Variants in VWA5B1 observed in about 807,000 individuals in gnomAD.
VWA5B1 encodes von Willebrand factor A domain-containing protein 5B1.
In VWA5B1, 115 loss-of-function variants were observed where a neutral mutation model predicts 118.2. That is an observed-to-expected ratio of 0.97 (90% CI 0.84 to 1.14). The LOEUF is 1.14. Among genes scored for constraint, VWA5B1 ranks in the 50% most tolerant of loss-of-function variants. The probability of loss-of-function intolerance (pLI) is 0.00; values close to 1 mark genes in which losing one functional copy is unlikely to be tolerated. For synonymous variants in VWA5B1, 682 were observed against 658.4 expected, an observed-to-expected ratio of 1.04 and a Z score of -0.55; for missense variants, 1,596 against 1,603.8, an observed-to-expected ratio of 1.00 and a Z score of 0.08.
chr1:20,318,964 A>C (rs951973822), intron 6 of VWA5B1, among the ~76,000 whole-genome samples: 1 of 152,166 alleles, frequency 6.6e-6, no homozygotes, highest in Non-Finnish European at 1.5e-5. Flanking sequence ...TCATCCACCC[A>C]TCGGGGCACT....
intron 17 of VWA5B1, among the ~76,000 whole-genome samples, chr1:20,347,062 A>G (rs745414584): frequency 6.6e-6 from 1 of 152,172 alleles, no homozygotes; most frequent in African/African-American, 2.4e-5. Flanking sequence ...GACCTGGCCC[A>G]TATCTTAACC....
At chr1:20,295,082 A>T (rs970344580) in intron 1 of VWA5B1, among the ~76,000 whole-genome samples, 1 of 151,978 alleles carries the variant, frequency 6.6e-6, no homozygotes, top group African/African-American at 2.4e-5. Context: ...GGGAGCAATC[A>T]CTCCTAGATA....
intron 12 of VWA5B1, among the ~76,000 whole-genome samples, chr1:20,335,723 A>C (rs2089695783): frequency 6.6e-6 from 1 of 152,246 alleles, no homozygotes. Context: ...TACATTTACT[A>C]TTCATTAAGT....
Position 20,293,648 on chromosome 1 carries a change from G to A in VWA5B1, c.-27+2560G>A, listed in dbSNP as rs114158862. Among the ~76,000 whole-genome samples, 1,193 of 152,324 alleles carry A rather than the reference G, an allele frequency of 7.8e-3. 16 individuals carry two copies. The highest frequency in any genetic ancestry group is 0.026 in the African/African-American group (1,094 of 41,566). On this transcript the variant is annotated intron_variant, in intron 1 of 21. Coordinates refer to ENST00000289815, the MANE Select transcript of VWA5B1 (RefSeq NM_001039500.3). ...GGCCAAGAAGAGGGTCACCTAAACA[G>A]GAAGCTGACAGACATCCCTGGGGGA...
chr1:20,342,242 C>A (rs2089893621), intron 14 of VWA5B1, among the ~76,000 whole-genome samples, 190 bp from the exon 15 acceptor site: 1 of 148,778 alleles, frequency 6.7e-6, no homozygotes, highest in African/African-American at 2.5e-5. Flanking sequence ...GAGACTGGGT[C>A]ATGCGTCCCT....
chr1:20,291,805 G>C (rs1217055138), intron 1 of VWA5B1, among the ~76,000 whole-genome samples: 2 of 152,212 alleles, frequency 1.3e-5, no homozygotes, highest in Non-Finnish European at 2.9e-5. Context: ...TCCTCGGGCA[G>C]AAGGAGGCGG....
At chr1:20,349,815 C>T (rs564211536) in intron 18 of VWA5B1, among the ~76,000 whole-genome samples, 2 of 148,976 alleles carry the variant, frequency 1.3e-5, no homozygotes, top group East Asian at 3.9e-4. Flanking sequence ...GCACTATCTG[C>T]GTATTATCTC....
At position 20,337,739 on chromosome 1, in the gene VWA5B1, T is replaced by C. The variant is rs1436387325; in HGVS notation, c.2036T>C (p.Met679Thr). Residue 679 changes from methionine to threonine, a missense_variant, in exon 14 of 22, where the codon ATG becomes ACG. Physicochemically the swap from Met to Thr is moderately conservative, Grantham distance 81. Coordinates refer to ENST00000289815, the MANE Select transcript of VWA5B1 (RefSeq NM_001039500.3). ...LPRATMASDP[M>T]PAAKRYPLRK... is the part of the protein sequence containing the mutation. ...AGAGCCACCATGGCAAGTGACCCCATGCCAGCTGCCAAGAGATACCCACTG... is the reference window on the plus strand; with the variant it reads ...AGAGCCACCATGGCAAGTGACCCCACGCCAGCTGCCAAGAGATACCCACTG... 6.4e-7 allele frequency: 1 copy of C among 1,551,668 alleles called. No individual in the cohort carries two copies. Among genetic ancestry groups the C allele is most frequent in the Non-Finnish European group, 8.7e-7 (1 of 1,146,998 alleles).
At chr1:20,350,677 C>T (rs2090109954) in intron 19 of VWA5B1, among the ~76,000 whole-genome samples, 180 bp from the exon 20 acceptor site, 1 of 152,210 alleles carries the variant, frequency 6.6e-6, no homozygotes, top group South Asian at 2.1e-4. Flanking sequence ...AGGCAGACAT[C>T]TCATCCCACC....
intron 1 of VWA5B1, among the ~76,000 whole-genome samples, chr1:20,296,775 A>G (rs1304102881): frequency 2.0e-5 from 3 of 152,188 alleles, no homozygotes; most frequent in Non-Finnish European, 4.4e-5. Context: ...TTCTTCATTC[A>G]CCCTTTCCTA....
At chr1:20,332,674 C>A in intron 11 of VWA5B1, 92 bp from the exon 12 acceptor site, 1 of 1,392,326 alleles carries the variant, frequency 7.2e-7, no homozygotes, top group Non-Finnish European at 9.8e-7. Flanking sequence ...CTCTTCCCTG[C>A]TCCCACTCCC....
Position 20,352,148 on chromosome 1 carries a change from C to G in VWA5B1, c.3117C>G (p.Asn1039Lys). 1 of 1,551,390 alleles carries G rather than the reference C, an allele frequency of 6.4e-7. No homozygotes were observed. Among genetic ancestry groups the G allele is most frequent in the South Asian group, 1.2e-5 (1 of 84,038 alleles). The change falls in exon 21 of 22, where the codon AAC becomes AAG. Residue 1039 changes from asparagine to lysine, a missense_variant. By Grantham distance (94) the Asn-to-Lys change is moderately conservative. Transcript: ENST00000289815. ...AAGCTGTGGAGTCGACCTCCGGGAA[C>G]CAGAGCTTCGACTACATACCTCTGG... The part of the protein sequence containing the change: ...LIKAVESTSG[N>K]QSFDYIPLVS...
Position 20,337,682 on chromosome 1 carries a change from C to T in VWA5B1, c.1979C>T (p.Thr660Ile), listed in dbSNP as rs1292455630. Residue 660 changes from threonine (T) to isoleucine (I), a missense_variant, in exon 14 of 22, where the codon ACC becomes ATC. By Grantham distance (89) the Thr-to-Ile change is moderately conservative. Coordinates refer to ENST00000289815, the MANE Select transcript of VWA5B1 (RefSeq NM_001039500.3). ...TCTCAGCGACGGAGGGCATACAGCA[C>T]CAACCAGATCACCAATCACAAGCCC... ...NLSQRRRAYS[T>I]NQITNHKPLP... 4 of 1,551,698 alleles carry T rather than the reference C, an allele frequency of 2.6e-6. No homozygotes were observed. The South Asian group carries it at 4.8e-5, about 18-fold the overall frequency.
chr1:20,305,772 G>A (rs1465271543), intron 1 of VWA5B1, among the ~76,000 whole-genome samples: 3 of 151,932 alleles, frequency 2.0e-5, no homozygotes, highest in Non-Finnish European at 2.9e-5. Context: ...TAGGCAGGGA[G>A]GGTGGGTTTG....
intron 20 of VWA5B1, among the ~76,000 whole-genome samples, chr1:20,351,168 G>A (rs981966009): frequency 3.9e-5 from 6 of 152,180 alleles, no homozygotes; most frequent in Non-Finnish European, 5.9e-5. Context: ...AAGTATGCAT[G>A]GGAGGGCTGA....
intron 14 of VWA5B1, among the ~76,000 whole-genome samples, chr1:20,340,143 C>T (rs916842837): frequency 2.6e-5 from 4 of 152,024 alleles, no homozygotes; most frequent in Non-Finnish European, 4.4e-5. Flanking sequence ...TGCCTGGCTT[C>T]TTCCCCAACC....
intron 2 of VWA5B1, among the ~76,000 whole-genome samples, chr1:20,311,685 G>A (rs2088852816): frequency 1.3e-5 from 2 of 152,270 alleles, no homozygotes; most frequent in African/African-American, 4.8e-5. Context: ...TATCCGCAGT[G>A]ATGGGGCCTC....
chr1:20,291,571 C>T (rs1411691040), intron 1 of VWA5B1, among the ~76,000 whole-genome samples: 3 of 151,932 alleles, frequency 2.0e-5, no homozygotes, highest in Non-Finnish European at 4.4e-5. Context: ...TCCCTGCCAC[C>T]TGTTTCCACC....
chr1:20,298,234 C>G (rs976666143), intron 1 of VWA5B1, among the ~76,000 whole-genome samples: 6 of 151,434 alleles, frequency 4.0e-5, no homozygotes, highest in Non-Finnish European at 7.4e-5. Context: ...TCTCAAACTC[C>G]TGGCCTCAAG....
Sources: gnomAD v4.1 joint callset for allele counts (sites outside exome capture counted in the v4.1 genomes callset) on GRCh38, gnomAD v4.1.1 for gene constraint, MANE v1.5 for transcripts, NCBI Gene and HGNC (gene_info 2026-07-23, HGNC 2026-07-21) for gene names.